Variants in SCUBE2 observed in about 807,000 individuals in gnomAD.
SCUBE2 encodes the protein signal peptide, CUB domain and EGF like domain containing 2.
A neutral mutation model predicts 125.9 loss-of-function variants in SCUBE2; 114 were observed. The observed-to-expected ratio is 0.91, with a 90% CI of 0.78 to 1.06. The LOEUF (loss-of-function observed/expected upper bound fraction) is 1.06. Ranked by LOEUF, SCUBE2 falls within the 50% of genes least tolerant of loss-of-function variation. SCUBE2 has a pLI of 0.00. For synonymous variants in SCUBE2, 459 were observed against 492.9 expected (o/e 0.93, Z 0.91); for missense variants, 1,255 against 1,301.8 (o/e 0.96, Z 0.55).
chr11:9,089,635 A>C, intron 2 of SCUBE2, 72 bp downstream of exon 2: 1 of 1,541,746 alleles, frequency 6.5e-7, no homozygotes, highest in Non-Finnish European at 8.8e-7. Flanking sequence ...TACCAACATA[A>C]GTGGCCACTG....
chr11:9,073,751 TA>T (rs1860995871), intron 4 of SCUBE2, among the ~76,000 whole-genome samples: 1 of 152,054 alleles, frequency 6.6e-6, no homozygotes, highest in African/African-American at 2.4e-5. Flanking sequence ...AGGGAAGAGT[TA>T]AAAGGATGAC....
intron 16 of SCUBE2, among the ~76,000 whole-genome samples, chr11:9,038,418 C>A (rs543999065): frequency 1.2e-3 from 190 of 152,224 alleles, no homozygotes; most frequent in African/African-American, 4.4e-3. Context: ...GGCAGGAGGA[C>A]TGCTTGAGCC....
chr11:9,079,646 A>G (rs1861476542), intron 2 of SCUBE2, 137 bp from the exon 3 acceptor site: 1 of 860,232 alleles, frequency 1.2e-6, no homozygotes. Context: ...AAATACGCAC[A>G]AGGTTATTCA....
intron 21 of SCUBE2, 160 bp downstream of exon 21, chr11:9,025,542 G>A: frequency 1.5e-6 from 1 of 683,514 alleles, no homozygotes; most frequent in Non-Finnish European, 2.5e-6. Flanking sequence ...GTCCCCAAAT[G>A]CCTGTTAAAA....
At chr11:9,034,754 G>C (rs2135204135) in intron 16 of SCUBE2, among the ~76,000 whole-genome samples, 1 of 152,240 alleles carries the variant, frequency 6.6e-6, no homozygotes, top group South Asian at 2.1e-4. Flanking sequence ...GCCAAGGTGG[G>C]CGGATCACCT....
rs572694785 is a variant in SCUBE2 at position 9,081,390 on chromosome 11, C to T, written c.257-1881G>A. ...GCCCTGTTAACCACCATTCTACTTTCTGACTCTATGATTTTGACTACTCTA... is the reference window on the plus strand; with the variant it reads ...GCCCTGTTAACCACCATTCTACTTTTTGACTCTATGATTTTGACTACTCTA... On this transcript the variant is annotated intron_variant, in intron 2 of 22. Coordinates refer to ENST00000649792, the MANE Select transcript of SCUBE2 (RefSeq NM_001367977.2). 2.6e-5 allele frequency among the ~76,000 whole-genome samples: 4 copies of T among 152,110 alleles called. No homozygotes were observed. The East Asian group carries it at 7.7e-4, about 29-fold the overall frequency.
chr11:9,081,831 C>G (rs1455383352), intron 2 of SCUBE2, among the ~76,000 whole-genome samples: 1 of 152,242 alleles, frequency 6.6e-6, no homozygotes, highest in African/African-American at 2.4e-5. Context: ...GCTTTCCACT[C>G]TTTTGGGTAT....
intron 7 of SCUBE2, among the ~76,000 whole-genome samples, chr11:9,063,948 A>G (rs1462396971): frequency 6.6e-6 from 1 of 152,280 alleles, no homozygotes; most frequent in Non-Finnish European, 1.5e-5. Flanking sequence ...CAAAGAAAAT[A>G]TAATCATAGC....
chr11:9,077,846 C>T (rs1024297105), intron 3 of SCUBE2, among the ~76,000 whole-genome samples: 8 of 152,194 alleles, frequency 5.3e-5, no homozygotes, highest in African/African-American at 9.7e-5. Context: ...TCTGTGTTAT[C>T]GGCAAAGGCA....
At chr11:9,067,763 G>A (rs1590118860) in intron 5 of SCUBE2, among the ~76,000 whole-genome samples, 2 of 152,062 alleles carry the variant, frequency 1.3e-5, no homozygotes, top group African/African-American at 4.8e-5. Flanking sequence ...ATATGTTAAT[G>A]TTAAAATTAA....
In SCUBE2 at chr11:9,033,651, T is replaced by C; in HGVS notation, c.2148A>G (p.Glu716=). 1.2e-6 allele frequency: 2 copies of C among 1,614,156 alleles called. No individual in the cohort carries two copies. Among genetic ancestry groups the C allele is most frequent in the Non-Finnish European group, 1.7e-6 (2 of 1,180,028 alleles). Reference sequence around the variant, plus strand: ...CTCCACATTCAGACATATTCCAAGCTTCTGGGGTCTTCAGGGCCCCAGAAT... The same window carrying C: ...CTCCACATTCAGACATATTCCAAGCCTCTGGGGTCTTCAGGGCCCCAGAAT... ...PGNSGALKTP[E]AWNMSECGGL... Residue 716 remains glutamate (E), a synonymous_variant, in exon 17 of 23, where the codon GAA becomes GAG. Transcript: ENST00000649792.
chr11:9,089,847 T>C lies in SCUBE2; in HGVS notation c.134-18A>G. 1 of 1,612,002 alleles carries C rather than the reference T, an allele frequency of 6.2e-7. No individual in the cohort carries two copies. Among genetic ancestry groups the C allele is most frequent in the Non-Finnish European group, 8.5e-7 (1 of 1,178,926 alleles). On this transcript the variant is annotated intron_variant, in intron 1 of 22. Transcript: ENST00000649792. The stretch of plus-strand genomic sequence containing the variant: ...ATCTACATCTGCAAAAGAGCACAGC[T>C]GACACCTGGTACAGGCTCCCAGGCC...
At chr11:9,062,056 C>T (rs1177307953) in intron 7 of SCUBE2, among the ~76,000 whole-genome samples, 1 of 152,182 alleles carries the variant, frequency 6.6e-6, no homozygotes, top group Non-Finnish European at 1.5e-5. Flanking sequence ...GCAGAGAAGT[C>T]TGGACCAGAG....
At chr11:9,066,068 C>T (rs1860196819) in intron 6 of SCUBE2, 88 bp from the exon 7 acceptor site, 1 of 875,608 alleles carries the variant, frequency 1.1e-6, no homozygotes, top group Non-Finnish European at 1.9e-6. Context: ...AAATCCCAGA[C>T]ATAAGAGGAA....
At chr11:9,027,797 G>GA (rs1184197995) in intron 19 of SCUBE2, among the ~76,000 whole-genome samples, 1 of 152,080 alleles carries the variant, frequency 6.6e-6, no homozygotes, top group Admixed American at 6.6e-5. Context: ...TCATTAGCCC[G>GA]AAAGTGTTCA....
At chr11:9,081,992 T>A (rs1437713047) in intron 2 of SCUBE2, among the ~76,000 whole-genome samples, 2 of 152,208 alleles carry the variant, frequency 1.3e-5, no homozygotes, top group African/African-American at 4.8e-5. Context: ...CTCACAGACA[T>A]TTATTATTTT....
intron 2 of SCUBE2, among the ~76,000 whole-genome samples, chr11:9,082,412 G>A (rs1861713355): frequency 2.0e-5 from 3 of 151,642 alleles, no homozygotes; most frequent in Admixed American, 6.6e-5. Flanking sequence ...TTATCTCCTC[G>A]GCAGTTTCTT....
chr11:9,053,482 T>C (rs1332843243), intron 11 of SCUBE2, among the ~76,000 whole-genome samples, 155 bp downstream of exon 11: 1 of 152,218 alleles, frequency 6.6e-6, no homozygotes, highest in African/African-American at 2.4e-5. Flanking sequence ...CGGCAAAGTA[T>C]CTCCTGTTTT....
intron 19 of SCUBE2, among the ~76,000 whole-genome samples, chr11:9,027,887 A>G (rs1407439180): frequency 6.6e-6 from 1 of 152,134 alleles, no homozygotes; most frequent in East Asian, 1.9e-4. Context: ...TGCCAGAAGA[A>G]CCCATGAGAC....
Sources: allele counts gnomAD v4.1 joint callset (sites outside exome capture counted in the v4.1 genomes callset), GRCh38; gene constraint gnomAD v4.1.1; transcripts MANE v1.5; gene names NCBI Gene and HGNC (gene_info 2026-07-23, HGNC 2026-07-21).